Variants in GRIN2B observed in about 807,000 individuals in gnomAD.
GRIN2B encodes the protein glutamate ionotropic receptor NMDA type subunit 2B, also known as glutamate receptor ionotropic, NMDA 2B.
Under a neutral mutation model 114.5 loss-of-function variants are expected in GRIN2B, and 5 were observed. That is an observed-to-expected ratio of 0.04 (90% CI 0.02 to 0.09). GRIN2B has a LOEUF of 0.09. Among genes scored for constraint, GRIN2B ranks in the 10% least tolerant of loss-of-function variants. The pLI, the probability that GRIN2B is intolerant of heterozygous loss-of-function variation, is 1.00. For synonymous variants in GRIN2B, 787 were observed against 745.1 expected, an observed-to-expected ratio of 1.06 and a Z score of -0.92; for missense variants, 1,108 against 1,943.5, an observed-to-expected ratio of 0.57 and a Z score of 8.08.
chr12:13,753,248 C>T lies in GRIN2B; in HGVS notation c.1010+69G>A. On this transcript the variant is annotated intron_variant, in intron 4 of 13. Coordinates refer to ENST00000609686, the MANE Select transcript of GRIN2B (RefSeq NM_000834.5). This position sits in a 1 kb window ranked among gnomAD's most constrained non-coding sequence, Gnocchi z 6.2. The stretch of plus-strand genomic sequence containing the variant: ...AACTGTTCTTCCTGCAGTTTCTGAA[C>T]TTCCAACCCCAGTCTTTGAAGCTCC... The T allele has an allele frequency of 1.0e-6, 1 of 964,418 alleles. No homozygotes were observed. The highest frequency in any genetic ancestry group is 1.7e-5 in the Admixed American group (1 of 59,262). The allele number at this position is 964,418 out of a possible 1,614,324, so 59.7% of individuals were successfully genotyped here.
At chr12:13,906,822 T>G (rs1176974133) in intron 2 of GRIN2B, among the ~76,000 whole-genome samples, 1 of 152,192 alleles carries the variant, frequency 6.6e-6, no homozygotes, top group Non-Finnish European at 1.5e-5. Flanking sequence ...ATTTGAAATT[T>G]TAGTATTTAA....
intron 2 of GRIN2B, among the ~76,000 whole-genome samples, chr12:13,922,050 A>T (rs940348490): frequency 1.3e-5 from 2 of 152,174 alleles, no homozygotes; most frequent in African/African-American, 4.8e-5. Flanking sequence ...TAGGGTTGGA[A>T]CGAAGGTTTG....
rs1805503 is a variant in GRIN2B, at chr12:13,562,216, T to G, written c.*567A>C. On this transcript the variant is annotated 3_prime_UTR_variant, in exon 14 of 14. Coordinates refer to ENST00000609686, the MANE Select transcript of GRIN2B (RefSeq NM_000834.5). ...AAGCAAGCATTTTTTGGCTTATATA[T>G]AAACACAAATGGCCTCCCAACCTCT... The G allele has an allele frequency of 0.013, 2,050 of 153,960 alleles. 23 individuals carry two copies. The highest frequency in any genetic ancestry group is 0.027 in the Middle Eastern group (8 of 294). 9.5% of individuals were successfully genotyped at this position (153,960 alleles called of 1,614,324 possible).
rs918754301 is a variant in GRIN2B at position 13,557,577 on chromosome 12, A to G, written c.*5206T>C. On this transcript the variant is annotated 3_prime_UTR_variant, in exon 14 of 14. Transcript: ENST00000609686. ...ATCATAGTTCTCAACCTGCCCTACAAGATACTGAATTTAGAAATTCATAAA... is the reference window on the plus strand; with the variant it reads ...ATCATAGTTCTCAACCTGCCCTACAGGATACTGAATTTAGAAATTCATAAA... The G allele has an allele frequency of 2.0e-5, 3 of 152,210 alleles. No homozygotes were observed. Among genetic ancestry groups the G allele is most frequent in the African/African-American group, 7.2e-5 (3 of 41,448 alleles). 9.4% of individuals were successfully genotyped at this position (152,210 alleles called of 1,614,324 possible).
At chr12:13,963,793 A>G (rs1486624653) in intron 2 of GRIN2B, among the ~76,000 whole-genome samples, 2 of 152,196 alleles carry the variant, frequency 1.3e-5, no homozygotes, top group African/African-American at 4.8e-5. Context: ...TTCAAGATCT[A>G]GGCTTGCCTT....
intron 2 of GRIN2B, among the ~76,000 whole-genome samples, chr12:13,919,865 C>G (rs953470765): frequency 6.6e-6 from 1 of 152,164 alleles, no homozygotes; most frequent in African/African-American, 2.4e-5. Flanking sequence ...ATCAGAATCA[C>G]CTTGAAAATG....
intron 2 of GRIN2B, among the ~76,000 whole-genome samples, chr12:13,871,112 T>C (rs1423110633): frequency 6.6e-6 from 1 of 151,992 alleles, no homozygotes; most frequent in East Asian, 1.9e-4. Context: ...AACAGACAAA[T>C]CCAACTGACA....
intron 3 of GRIN2B, among the ~76,000 whole-genome samples, chr12:13,794,032 T>C: frequency 1.4e-5 from 1 of 69,898 alleles, no homozygotes. Flanking sequence ...CAAAATCCCA[T>C]CTCTACAAAA....
chr12:13,636,720 G>A (rs568739652), intron 5 of GRIN2B, among the ~76,000 whole-genome samples: 74 of 151,684 alleles, frequency 4.9e-4, no homozygotes, highest in African/African-American at 9.2e-4. Flanking sequence ...ACAGTGATTA[G>A]GCTGTGGCCA....
At chr12:13,726,492 G>A (rs1401691137) in intron 4 of GRIN2B, among the ~76,000 whole-genome samples, 1 of 148,654 alleles carries the variant, frequency 6.7e-6, no homozygotes, top group African/African-American at 2.6e-5. Context: ...CCAAGATCAT[G>A]CCACTGCACT....
intron 2 of GRIN2B, among the ~76,000 whole-genome samples, chr12:13,894,039 A>C (rs953390363): frequency 1.3e-5 from 2 of 152,140 alleles, no homozygotes; most frequent in Non-Finnish European, 2.9e-5. Flanking sequence ...TTTACCTACC[A>C]AATCATAAAG....
At chr12:13,981,761 A>G (rs539720686), upstream of GRIN2B, among the ~76,000 whole-genome samples, 1,107 of 148,518 alleles carry the variant, frequency 7.5e-3, 5 homozygotes, top group Non-Finnish European at 0.011. Flanking sequence ...CCGGAGAGGG[A>G]GAGCAGGAGG....
intron 9 of GRIN2B, 120 bp from the exon 10 acceptor site, chr12:13,608,952 C>T (rs1238137649): frequency 2.7e-6 from 2 of 741,020 alleles, no homozygotes; most frequent in Non-Finnish European, 2.4e-6. Flanking sequence ...AAAACCAAGC[C>T]CTTTTATAGA....
chr12:13,851,641 C>T (rs1865567767), intron 3 of GRIN2B, among the ~76,000 whole-genome samples: 1 of 152,288 alleles, frequency 6.6e-6, no homozygotes, highest in African/African-American at 2.4e-5. Flanking sequence ...TCAAAGTCAA[C>T]CACTACCATA....
At chr12:13,726,117 T>C (rs1862979778) in intron 4 of GRIN2B, among the ~76,000 whole-genome samples, 1 of 152,172 alleles carries the variant, frequency 6.6e-6, no homozygotes, top group Non-Finnish European at 1.5e-5. Flanking sequence ...CTCTTAGCCA[T>C]TTCAGCATTT....
At chr12:13,737,273 G>A (rs911630806) in intron 4 of GRIN2B, among the ~76,000 whole-genome samples, 4 of 150,996 alleles carry the variant, frequency 2.6e-5, no homozygotes, top group Non-Finnish European at 5.9e-5. Flanking sequence ...GTGCAGTGGC[G>A]CTATCTCGGC....
intron 8 of GRIN2B, among the ~76,000 whole-genome samples, chr12:13,614,271 T>G (rs1949405750): frequency 6.6e-6 from 1 of 152,182 alleles, no homozygotes. Context: ...TTAGTCACTG[T>G]CTACTGTAAT....
intron 3 of GRIN2B, among the ~76,000 whole-genome samples, chr12:13,857,372 TACACACACACACACAC>T (rs142914230): frequency 2.0e-5 from 3 of 147,674 alleles, no homozygotes; most frequent in East Asian, 2.0e-4. Context: ...CACGCGTGCA[TACACACACACACACAC>T]ACACACACAC....
chr12:13,684,488 T>C (rs542906377), intron 4 of GRIN2B, among the ~76,000 whole-genome samples: 58 of 152,310 alleles, frequency 3.8e-4, no homozygotes, highest in African/African-American at 1.4e-3. Flanking sequence ...TTTGTGCTCA[T>C]GCTCACGACT....
Sources: gnomAD v4.1 joint callset for allele counts (sites outside exome capture counted in the v4.1 genomes callset) on GRCh38, gnomAD v4.1.1 for gene constraint, Gnocchi (gnomAD v3.1) non-coding constraint, MANE v1.5 for transcripts, NCBI Gene and HGNC (gene_info 2026-07-23, HGNC 2026-07-21) for gene names.